TNKS: variants seen among roughly 807,000 people sequenced by gnomAD.
TNKS encodes poly [ADP-ribose] polymerase tankyrase-1.
In TNKS, 72 loss-of-function variants were observed where a neutral mutation model predicts 135.8. The observed-to-expected ratio is 0.53, with a 90% confidence interval of 0.44 to 0.64. The LOEUF is 0.64. TNKS is among the 30% of genes least tolerant of loss of function. The probability of loss-of-function intolerance (pLI) is 0.00; values close to 1 mark genes in which losing one functional copy is unlikely to be tolerated. For synonymous variants in TNKS, 849 were observed against 649.3 expected (o/e 1.31, Z -4.68); for missense variants, 1,769 against 1,674.0 (o/e 1.06, Z -0.99).
intron 5 of TNKS, among the ~76,000 whole-genome samples, chr8:9,685,699 A>G (rs1802962515): frequency 6.6e-6 from 1 of 152,226 alleles, no homozygotes; most frequent in African/African-American, 2.4e-5. Flanking sequence ...GTCACATTTA[A>G]TAAATAAATT....
At chr8:9,607,828 C>A (rs1346747309) in intron 2 of TNKS, among the ~76,000 whole-genome samples, 1 of 152,134 alleles carries the variant, frequency 6.6e-6, no homozygotes, top group Non-Finnish European at 1.5e-5. Flanking sequence ...AGTAATTTTA[C>A]TGCTTTGTCA....
chr8:9,567,191 A>G (rs1585175013), intron 1 of TNKS, among the ~76,000 whole-genome samples: 2 of 152,330 alleles, frequency 1.3e-5, no homozygotes, highest in East Asian at 3.9e-4. Context: ...GGGAGCTACT[A>G]GTGATTTTGA....
chr8:9,728,350 G>C (rs1394048273), intron 13 of TNKS, among the ~76,000 whole-genome samples: 1 of 152,168 alleles, frequency 6.6e-6, no homozygotes, highest in South Asian at 2.1e-4. Flanking sequence ...AAGTAAGTAG[G>C]AAGGATGTGA....
At chr8:9,717,385 G>C (rs891203571) in intron 11 of TNKS, among the ~76,000 whole-genome samples, 1 of 151,644 alleles carries the variant, frequency 6.6e-6, no homozygotes, top group African/African-American at 2.4e-5. Flanking sequence ...AAAAACATTA[G>C]AATCAATTTA....
At chr8:9,582,780 A>G (rs763025686) in intron 2 of TNKS, among the ~76,000 whole-genome samples, 7 of 152,166 alleles carry the variant, frequency 4.6e-5, no homozygotes, top group Admixed American at 2.6e-4. Context: ...TACTATTATT[A>G]TTGTTGGTGC....
At chr8:9,572,672 G>C (rs1449651966) in intron 1 of TNKS, among the ~76,000 whole-genome samples, 1 of 152,210 alleles carries the variant, frequency 6.6e-6, no homozygotes, top group Non-Finnish European at 1.5e-5. Context: ...AAGTCATGTT[G>C]AGATGGGGCT....
intron 11 of TNKS, among the ~76,000 whole-genome samples, chr8:9,717,099 A>ATATATATT (rs1804649864): frequency 8.0e-6 from 1 of 124,532 alleles, no homozygotes; most frequent in African/African-American, 2.9e-5. Flanking sequence ...ATATATATAT[A>ATATATATT]TATTTTCAGG....
chr8:9,582,845 G>T (rs1450620964), intron 2 of TNKS, among the ~76,000 whole-genome samples: 2 of 152,064 alleles, frequency 1.3e-5, no homozygotes, highest in East Asian at 3.9e-4. Context: ...CATTTCCTCT[G>T]TTTGTCCTTT....
intron 3 of TNKS, among the ~76,000 whole-genome samples, chr8:9,666,390 A>T (rs919143401): frequency 6.6e-6 from 1 of 152,218 alleles, no homozygotes; most frequent in African/African-American, 2.4e-5. Context: ...AGATTAATTT[A>T]TGCAAAGGAA....
At chr8:9,672,681 TACACACACAC>T (rs60210743) in intron 3 of TNKS, among the ~76,000 whole-genome samples, 1 of 84,678 alleles carries the variant, frequency 1.2e-5, no homozygotes, top group South Asian at 5.3e-4. Context: ...AAAAAACACA[TACACACACAC>T]ACACACACAC....
rs36130596 is a variant in TNKS, at chr8:9,627,540, ATTGCTTGC to A, written c.994+11907_994+11914del. Among the ~76,000 whole-genome samples the A allele has an allele frequency of 9.1e-3, 1,352 of 148,326 alleles. 15 individuals are homozygous for A. The highest frequency in any genetic ancestry group is 0.024 in the African/African-American group (950 of 40,290). On this transcript the variant is annotated intron_variant, in intron 3 of 26. Transcript: ENST00000310430. ...CCATCCTGCTGTTGCCTGTGGCAAA[ATTGCTTGC>A]TTGCTTGCTTGCTTGCTTGCTTGCT...
rs571379257 is a variant in TNKS, at chr8:9,658,377, G to C, written c.995-21574G>C. 9.4e-6 allele frequency: 12 copies of C among 1,282,784 alleles called. 1 individual carries two copies. In the South Asian group the frequency reaches 1.3e-4, roughly 14 times the overall value. The allele number at this position is 1,282,784 out of a possible 1,614,324, so 79.5% of individuals were successfully genotyped here. A position where few individuals can be genotyped will look rare whatever the true frequency, so the allele number is the denominator to read the frequency against. On this transcript the variant is annotated intron_variant, in intron 3 of 26. Transcript: ENST00000310430. ...CGGCGCTCGCCGGCGCGGCGGCAAAGACTGAGACAGCTCCGCTGCCCGCTG... is the reference window on the plus strand; with the variant it reads ...CGGCGCTCGCCGGCGCGGCGGCAAACACTGAGACAGCTCCGCTGCCCGCTG...
chr8:9,705,716 G>T (rs1804009600), intron 6 of TNKS, among the ~76,000 whole-genome samples: 1 of 152,124 alleles, frequency 6.6e-6, no homozygotes, highest in African/African-American at 2.4e-5. Flanking sequence ...TGTACAATAG[G>T]TGAGTCATCA....
intron 2 of TNKS, among the ~76,000 whole-genome samples, chr8:9,609,037 G>A (rs528489846): frequency 5.5e-4 from 84 of 152,160 alleles, no homozygotes; most frequent in Non-Finnish European, 9.6e-4. Context: ...ATTTCTAAAA[G>A]TTCTGTTTAA....
chr8:9,672,639 C>T (rs186622029), intron 3 of TNKS, among the ~76,000 whole-genome samples: 9 of 124,246 alleles, frequency 7.2e-5, no homozygotes, highest in African/African-American at 2.8e-4. Flanking sequence ...TTTTATGCAG[C>T]AGACACTGTG....
intron 12 of TNKS, among the ~76,000 whole-genome samples, chr8:9,724,845 T>C (rs1805082846): frequency 6.6e-6 from 1 of 152,228 alleles, no homozygotes; most frequent in African/African-American, 2.4e-5. Flanking sequence ...TACTCTTTAG[T>C]AGACAGTCCG....
At chr8:9,574,899 C>G (rs961334346) in intron 1 of TNKS, 19 of 337,212 alleles carry the variant, frequency 5.6e-5, no homozygotes, top group Middle Eastern at 1.4e-3. Flanking sequence ...ACTCTCCCTT[C>G]TTGTCTGAGA....
At chr8:9,734,212 T>C (rs1333600964) in intron 15 of TNKS, among the ~76,000 whole-genome samples, 1 of 152,200 alleles carries the variant, frequency 6.6e-6, no homozygotes, top group Non-Finnish European at 1.5e-5. Flanking sequence ...GAATCCATTG[T>C]CCACCTTGAC....
chr8:9,686,787 C>G (rs940252875), intron 5 of TNKS, among the ~76,000 whole-genome samples: 6 of 152,000 alleles, frequency 3.9e-5, no homozygotes, highest in African/African-American at 9.7e-5. Flanking sequence ...GCTAGAAGAT[C>G]TGATTTTAAG....
Sources: gnomAD v4.1 joint callset for allele counts (sites outside exome capture counted in the v4.1 genomes callset) on GRCh38, gnomAD v4.1.1 for gene constraint, MANE v1.5 for transcripts, NCBI Gene and HGNC (gene_info 2026-07-23, HGNC 2026-07-21) for gene names.